ISM1: variants seen among roughly 807,000 people sequenced by gnomAD.
ISM1 encodes isthmin 1.
Under a neutral mutation model 46.3 loss-of-function variants are expected in ISM1, and 25 were observed. That is an observed-to-expected ratio of 0.54 (90% CI 0.39 to 0.75). The LOEUF is 0.75. Among genes scored for constraint, ISM1 ranks in the 30% least tolerant of loss-of-function variants. The pLI is 0.00. For synonymous variants in ISM1, 255 were observed against 256.7 expected (o/e 0.99, Z 0.06); for missense variants, 536 against 625.4 (o/e 0.86, Z 1.52).
At chr20:13,260,146 G>C (rs1350329044) in intron 1 of ISM1, among the ~76,000 whole-genome samples, 1 of 152,228 alleles carries the variant, frequency 6.6e-6, no homozygotes, top group African/African-American at 2.4e-5. Context: ...AATCTGTACA[G>C]GCAGGTGGCA....
At chr20:13,320,181 G>A in the ISM1 span, among the ~76,000 whole-genome samples, 1 of 152,186 alleles carries the variant, frequency 6.6e-6, no homozygotes, top group African/African-American at 2.4e-5. Context: ...CATGGGTCCT[G>A]GAAGAGCACA....
intron 2 of ISM1, among the ~76,000 whole-genome samples, chr20:13,273,112 G>A (rs1008298505): frequency 6.6e-6 from 1 of 152,144 alleles, no homozygotes; most frequent in Non-Finnish European, 1.5e-5. Context: ...CTTTGTGCTT[G>A]AACCCAATTT....
chr20:13,283,976 C>T (rs796078324), intron 3 of ISM1, among the ~76,000 whole-genome samples: 25 of 152,294 alleles, frequency 1.6e-4, no homozygotes, highest in Middle Eastern at 3.4e-3. Context: ...GAACAGGATA[C>T]GGTGGGAGCA....
chr20:13,304,655 T>A (rs1161056415), downstream of ISM1, among the ~76,000 whole-genome samples: 3 of 152,166 alleles, frequency 2.0e-5, no homozygotes, highest in African/African-American at 7.2e-5. Context: ...TGAGTGCCTG[T>A]CAGTCAACTG....
the ISM1 span, among the ~76,000 whole-genome samples, chr20:13,323,169 A>G: frequency 6.6e-6 from 1 of 152,164 alleles, no homozygotes; most frequent in Non-Finnish European, 1.5e-5. Context: ...ACAGTCCCCA[A>G]ATATTACTTG....
At chr20:13,263,355 A>G (rs1157129981) in intron 1 of ISM1, among the ~76,000 whole-genome samples, 1 of 131,680 alleles carries the variant, frequency 7.6e-6, no homozygotes, top group East Asian at 2.2e-4. Context: ...CCCTGCTTCC[A>G]CTCCTAGGAT....
the ISM1 span, among the ~76,000 whole-genome samples, chr20:13,321,253 TAAAAAAAAAA>T: frequency 1.9e-4 from 11 of 57,522 alleles, no homozygotes; most frequent in African/African-American, 5.3e-4. Flanking sequence ...GTGCCCCACA[TAAAAAAAAAA>T]AAAAAAAAAA....
At chr20:13,298,613 A>G (rs941363522) in intron 5 of ISM1, among the ~76,000 whole-genome samples, 1 of 152,220 alleles carries the variant, frequency 6.6e-6, no homozygotes, top group Non-Finnish European at 1.5e-5. Flanking sequence ...CCAGGTGATG[A>G]AATATGGGTA....
chr20:13,225,188 G>A (rs966046684), intron 1 of ISM1, among the ~76,000 whole-genome samples: 3 of 152,048 alleles, frequency 2.0e-5, no homozygotes, highest in African/African-American at 7.2e-5. Context: ...AAAATCCCGG[G>A]AATTAGGTGC....
intron 1 of ISM1, among the ~76,000 whole-genome samples, chr20:13,229,461 C>T (rs1300103144): frequency 6.6e-6 from 1 of 152,178 alleles, no homozygotes; most frequent in African/African-American, 2.4e-5. Flanking sequence ...TCTCATTAAA[C>T]TAAGTTTTTG....
intron 1 of ISM1, among the ~76,000 whole-genome samples, chr20:13,234,156 T>C (rs1259563341): frequency 6.6e-6 from 1 of 152,170 alleles, no homozygotes; most frequent in Non-Finnish European, 1.5e-5. Flanking sequence ...GTCTGATTAC[T>C]CTTTGTATGT....
rs553664054 is a variant in ISM1, at chr20:13,221,869, C to T, written c.93C>T (p.Asp31=). 2.8e-6 allele frequency: 4 copies of T among 1,419,302 alleles called. No individual in the cohort carries two copies. The highest frequency in any genetic ancestry group is 3.7e-6 in the Non-Finnish European group (4 of 1,091,804). 87.9% of individuals were successfully genotyped at this position (1,419,302 alleles called of 1,614,324 possible). The change falls in exon 1 of 6, where the codon GAC becomes GAT. Residue 31 remains aspartate (D), a synonymous_variant. Coordinates refer to ENST00000262487, the MANE Select transcript of ISM1 (RefSeq NM_080826.2). ...ITVLRGSGAA[D]GPDAAAGNAS... ...TGCTGCGCGGCTCGGGAGCCGCCGA[C>T]GGGCCCGACGCGGCCGCGGGCAACG...
At chr20:13,271,532 G>C (rs17226509) in intron 2 of ISM1, among the ~76,000 whole-genome samples, 1 of 152,106 alleles carries the variant, frequency 6.6e-6, no homozygotes, top group Non-Finnish European at 1.5e-5. Flanking sequence ...AATACTATTG[G>C]TAATGCACCA....
chr20:13,270,771 G>A, intron 2 of ISM1, 28 bp downstream of exon 2: 1 of 1,603,276 alleles, frequency 6.2e-7, no homozygotes, highest in Non-Finnish European at 8.5e-7. Context: ...GAAGATGGGA[G>A]ATAACAAAAC....
intron 1 of ISM1, among the ~76,000 whole-genome samples, chr20:13,226,556 T>C (rs560864744): frequency 6.6e-5 from 10 of 152,270 alleles, no homozygotes; most frequent in African/African-American, 2.2e-4. Flanking sequence ...CTCAGCTGAG[T>C]GGTTCTTCTG....
At chr20:13,317,793 A>G in the ISM1 span, among the ~76,000 whole-genome samples, 1 of 152,154 alleles carries the variant, frequency 6.6e-6, no homozygotes, top group Admixed American at 6.5e-5. Context: ...AATTAACTCA[A>G]AATGAATCAT....
At chr20:13,268,648 C>T (rs377269948) in intron 1 of ISM1, among the ~76,000 whole-genome samples, 12 of 152,310 alleles carry the variant, frequency 7.9e-5, no homozygotes, top group African/African-American at 1.2e-4. Flanking sequence ...AGGTGACAGA[C>T]GAGGTCTCTA....
chr20:13,221,427 C>T lies in ISM1; in HGVS notation c.-350C>T, dbSNP rs990930688. On this transcript the variant is annotated 5_prime_UTR_variant, in exon 1 of 6. Coordinates refer to ENST00000262487, the MANE Select transcript of ISM1 (RefSeq NM_080826.2). ...CCTGCCAGCAGGGTGGCCTCCGGCC[C>T]GGCCCGGGTCCCGGGCTGTCCCGGG... Among the ~76,000 whole-genome samples, 1 of 146,742 alleles carries T rather than the reference C, an allele frequency of 6.8e-6. No individual in the cohort carries two copies. Among genetic ancestry groups the T allele is most frequent in the African/African-American group, 2.5e-5 (1 of 40,712 alleles).
rs754491572 is a variant in ISM1, at chr20:13,298,925, T to C, written c.878-17T>C. 2 of 1,611,308 alleles carry C rather than the reference T, an allele frequency of 1.2e-6. No homozygotes were observed. Among genetic ancestry groups the C allele is most frequent in the Non-Finnish European group, 1.7e-6 (2 of 1,178,470 alleles). ...GTTGTACACGCGGTGAGAGGGTTTC[T>C]CTTTGGCCTTTTCCAGACACAGACA... On this transcript the variant is annotated splice_polypyrimidine_tract_variant and intron_variant, in intron 5 of 5. Transcript: ENST00000262487.
Sources: allele counts gnomAD v4.1 joint callset (sites outside exome capture counted in the v4.1 genomes callset), GRCh38; gene constraint gnomAD v4.1.1; transcripts MANE v1.5; gene names NCBI Gene and HGNC (gene_info 2026-07-23, HGNC 2026-07-21).